Variants in MAEA observed in about 807,000 individuals in gnomAD.
MAEA encodes macrophage erythroblast attacher, E3 ubiquitin ligase.
A neutral mutation model predicts 46.2 loss-of-function variants in MAEA; 22 were observed. The ratio of observed to expected loss-of-function variants is 0.48; its 90% CI spans 0.34 to 0.68. The LOEUF is 0.68. MAEA is among the 30% of genes least tolerant of loss of function. The pLI is 0.01. For missense variants in MAEA, 393 were observed against 558.1 expected (o/e 0.70, Z 2.98); for synonymous variants, 246 against 222.6 (o/e 1.11, Z -0.94).
chr4:1,336,042 G>C (rs2109015148), intron 6 of MAEA, among the ~76,000 whole-genome samples: 1 of 138,376 alleles, frequency 7.2e-6, no homozygotes, highest in South Asian at 2.5e-4. Context: ...GTCAGCACCT[G>C]CCCTGCAGTG....
At chr4:1,317,355 C>A (rs1263440505) in intron 3 of MAEA, among the ~76,000 whole-genome samples, 1 of 139,566 alleles carries the variant, frequency 7.2e-6, no homozygotes. Context: ...TCTGCAGGCC[C>A]CACACTCCGG....
At chr4:1,309,678 T>C (rs1210478314) in intron 1 of MAEA, 2 of 1,531,166 alleles carry the variant, frequency 1.3e-6, no homozygotes, top group Non-Finnish European at 8.7e-7. Flanking sequence ...GGCAGGGAGG[T>C]GGGGTCTTCC....
At chr4:1,316,924 C>T (rs868482561) in intron 3 of MAEA, among the ~76,000 whole-genome samples, 2 of 149,542 alleles carry the variant, frequency 1.3e-5, no homozygotes, top group Non-Finnish European at 3.0e-5. Flanking sequence ...AGACTCACCC[C>T]CAGGCCCACC....
chr4:1,299,006 C>T (rs758789065), intron 1 of MAEA, among the ~76,000 whole-genome samples: 4 of 152,072 alleles, frequency 2.6e-5, no homozygotes, highest in African/African-American at 4.8e-5. Flanking sequence ...CTCAGCCTCC[C>T]GGGTAACTGG....
At position 1,332,830 on chromosome 4, in the gene MAEA, G is replaced by T; in HGVS notation, c.730G>T (p.Ala244Ser). The T allele has an allele frequency of 6.2e-7, 1 of 1,613,096 alleles. No homozygotes were observed. Among genetic ancestry groups the T allele is most frequent in the Middle Eastern group, 1.7e-4 (1 of 6,058 alleles). Residue 244 changes from alanine to serine, a missense_variant, in exon 6 of 9, where the codon GCC (alanine) becomes TCC (serine). Transcript: ENST00000303400. ...DEVRQAMGML[A>S]FPPDTHISPY... ...GGTGCGCCAGGCCATGGGCATGCTG[G>T]CCTTCCCGCCCGACACGCACATCTC...
intron 3 of MAEA, among the ~76,000 whole-genome samples, chr4:1,320,730 G>T (rs1737974931): frequency 6.6e-6 from 1 of 152,196 alleles, no homozygotes; most frequent in South Asian, 2.1e-4. Flanking sequence ...CTATGAAGGG[G>T]CTTCAGAAAA....
chr4:1,319,485 G>A (rs996815502), intron 3 of MAEA, among the ~76,000 whole-genome samples: 5 of 152,146 alleles, frequency 3.3e-5, no homozygotes, highest in African/African-American at 9.7e-5. Context: ...TCTCACAACC[G>A]GAGACCCGGA....
chr4:1,306,103 A>C (rs1376457349), intron 1 of MAEA, among the ~76,000 whole-genome samples: 1 of 152,152 alleles, frequency 6.6e-6, no homozygotes, highest in Non-Finnish European at 1.5e-5. Context: ...GGCTTTCCTC[A>C]GTTTACCCAT....
intron 1 of MAEA, among the ~76,000 whole-genome samples, chr4:1,308,416 T>C (rs1736040348): frequency 6.6e-6 from 1 of 152,226 alleles, no homozygotes; most frequent in African/African-American, 2.4e-5. Flanking sequence ...AACACAGGTG[T>C]GCAGATACCT....
intron 3 of MAEA, among the ~76,000 whole-genome samples, chr4:1,318,448 G>A (rs558815552): frequency 5.3e-5 from 8 of 152,292 alleles, no homozygotes; most frequent in Admixed American, 2.0e-4. Context: ...AGTTGGAGTA[G>A]GCCTCAGCAG....
intron 4 of MAEA, among the ~76,000 whole-genome samples, chr4:1,323,049 C>T (rs573356043): frequency 6.2e-4 from 86 of 137,862 alleles, no homozygotes; most frequent in Admixed American, 2.6e-3. Context: ...GGTGTTCAAG[C>T]GATTCTCTTG....
At chr4:1,323,527 A>C (rs1488935927) in intron 4 of MAEA, 1 of 702,596 alleles carries the variant, frequency 1.4e-6, no homozygotes, top group Non-Finnish European at 2.6e-6. Flanking sequence ...CAAAGACGGG[A>C]CGAAAAAGTA....
rs769662834 is a variant in MAEA, at chr4:1,315,486, C to T, written c.342C>T (p.Pro114=). Residue 114 remains proline (P), a synonymous_variant, in exon 3 of 9, where the codon CCC becomes CCT. Coordinates refer to ENST00000303400, the MANE Select transcript of MAEA (RefSeq NM_001017405.3). ...EHLKEHSSDQ[P]AAASVWKRKR... ...TCAAAGAGCATAGCAGCGACCAGCC[C>T]GCGGCGGCCAGCGTGTGGAAGAGGA... The T allele has an allele frequency of 7.7e-5, 124 of 1,613,784 alleles. No homozygotes were observed. The East Asian group carries it at 1.6e-3, about 21-fold the overall frequency.
rs1713235688 is a variant in MAEA, at chr4:1,339,467, T to G, written c.*298T>G. The stretch of plus-strand genomic sequence containing the variant: ...GACTGACCTAAACACCGAGGGAAAC[T>G]TAAGAACGTTTAAAATATAGGAGTC... On this transcript the variant is annotated 3_prime_UTR_variant, in exon 9 of 9. Transcript: ENST00000303400. 2.5e-6 allele frequency: 1 copy of G among 401,958 alleles called. No homozygotes were observed. Among genetic ancestry groups the G allele is most frequent in the African/African-American group, 2.1e-5 (1 of 48,540 alleles). 24.9% of individuals were successfully genotyped at this position (401,958 alleles called of 1,614,324 possible). A position where few individuals can be genotyped will look rare whatever the true frequency, so the allele number is the denominator to read the frequency against.
chr4:1,325,381 G>A (rs531157967), intron 4 of MAEA, among the ~76,000 whole-genome samples: 2 of 152,362 alleles, frequency 1.3e-5, no homozygotes, highest in East Asian at 3.9e-4. Flanking sequence ...GGCGCTCCAC[G>A]CCGTATGGGA....
chr4:1,335,484 T>A (rs1411068058), intron 6 of MAEA: 1 of 985,026 alleles, frequency 1.0e-6, no homozygotes, highest in Non-Finnish European at 1.2e-6. Flanking sequence ...CCACAGTGTG[T>A]TGAAATCACA....
At chr4:1,308,864 G>T (rs1193553668) in intron 1 of MAEA, among the ~76,000 whole-genome samples, 1 of 152,142 alleles carries the variant, frequency 6.6e-6, no homozygotes, top group Non-Finnish European at 1.5e-5. Context: ...TTTTTACTCT[G>T]TTGGTTTTTC....
At position 1,338,481 on chromosome 4, in the gene MAEA, C is replaced by T. The variant is rs1411876634; in HGVS notation, c.959C>T (p.Ser320Phe). 1 of 1,613,182 alleles carries T rather than the reference C, an allele frequency of 6.2e-7. No individual in the cohort carries two copies. The highest frequency in any genetic ancestry group is 8.5e-7 in the Non-Finnish European group (1 of 1,180,002). The change falls in exon 8 of 9, where the codon TCC becomes TTC. Residue 320 changes from serine to phenylalanine, a missense_variant. Coordinates refer to ENST00000303400, the MANE Select transcript of MAEA (RefSeq NM_001017405.3). ...KSPDCPVCSR[S>F]LNKLAQPLPM... The stretch of plus-strand genomic sequence containing the variant: ...CCTGACTGCCCTGTGTGCAGCCGCT[C>T]CCTGAACAAGCTGGCGCAGCCCCTG...
intron 4 of MAEA, among the ~76,000 whole-genome samples, chr4:1,327,424 C>T (rs185777608): frequency 2.0e-5 from 3 of 152,242 alleles, no homozygotes; most frequent in African/African-American, 7.2e-5. Flanking sequence ...GCGGGACTCA[C>T]ATTCAGAACC....
Sources: gnomAD v4.1 joint callset for allele counts (sites outside exome capture counted in the v4.1 genomes callset) on GRCh38, gnomAD v4.1.1 for gene constraint, MANE v1.5 for transcripts, NCBI Gene and HGNC (gene_info 2026-07-23, HGNC 2026-07-21) for gene names.